Variants in LMO7 observed in about 807,000 individuals in gnomAD.
LMO7 encodes the protein LIM domain 7, also known as LIM domain only protein 7.
In LMO7, 120 loss-of-function variants were observed where a neutral mutation model predicts 206.5. That is an observed-to-expected ratio of 0.58 (90% confidence interval 0.50 to 0.68). The LOEUF is 0.68. Among genes scored for constraint, LMO7 ranks in the 30% least tolerant of loss-of-function variants. LMO7 has a pLI of 0.00. For synonymous variants in LMO7, 706 were observed against 681.5 expected (o/e 1.04, Z -0.56); for missense variants, 1,959 against 1,957.9 (o/e 1.00, Z -0.01).
chr13:75,804,312 G>C lies in LMO7; in HGVS notation c.685G>C (p.Glu229Gln). 6.2e-7 allele frequency: 1 copy of C among 1,613,240 alleles called. No homozygotes were observed. Among genetic ancestry groups the C allele is most frequent in the Non-Finnish European group, 8.5e-7 (1 of 1,179,262 alleles). The change falls in exon 8 of 31, where the codon GAA becomes CAA. Residue 229 changes from glutamate (E) to glutamine (Q), a missense_variant. Coordinates refer to ENST00000377534, the MANE Select transcript of LMO7 (RefSeq NM_001306080.2). ...REGFESDTDS[E>Q]FTFKMQDYNK... ...AGGTTTTGAAAGTGACACAGATTCGGAATTTACATTTAAGATGCAGGATTA... is the reference window on the plus strand; with the variant it reads ...AGGTTTTGAAAGTGACACAGATTCGCAATTTACATTTAAGATGCAGGATTA...
chr13:75,726,937 A>G (rs1441828610), intron 2 of LMO7, 92 bp from the exon 3 acceptor site: 4 of 728,284 alleles, frequency 5.5e-6, no homozygotes, highest in Admixed American at 4.0e-5. Flanking sequence ...CATTGAGGGG[A>G]GGGAATAGTG....
intron 4 of LMO7, among the ~76,000 whole-genome samples, chr13:75,777,645 TTG>T (rs1173237516): frequency 1.1e-5 from 1 of 92,710 alleles, no homozygotes; most frequent in Admixed American, 1.2e-4. Context: ...TTTTCTTTTC[TTG>T]TTTTTTTTTT....
chr13:75,804,545 C>G lies in LMO7; in HGVS notation c.914+4C>G. On this transcript the variant is annotated splice_donor_region_variant and intron_variant, in intron 8 of 30. Coordinates refer to ENST00000377534, the MANE Select transcript of LMO7 (RefSeq NM_001306080.2). ...AAGCAGATGGAACATTTTCAAGGTA[C>G]TGAGATGGGTGTGATTATTGAGTTT... 1.9e-6 allele frequency: 3 copies of G among 1,611,498 alleles called. No homozygotes were observed. Among genetic ancestry groups the G allele is most frequent in the South Asian group, 2.2e-5 (2 of 90,632 alleles).
At chr13:75,806,262 G>C (rs1467956801) in intron 9 of LMO7, 5 of 989,060 alleles carry the variant, frequency 5.1e-6, no homozygotes, top group Non-Finnish European at 6.0e-6. Flanking sequence ...ATGAGCCCAG[G>C]TGCCCCTGTC....
chr13:75,855,151 A>G (rs1018117613), intron 28 of LMO7, 109 bp from the exon 29 acceptor site: 1 of 663,804 alleles, frequency 1.5e-6, no homozygotes, highest in Non-Finnish European at 2.7e-6. Flanking sequence ...ATATATGTAT[A>G]GAGCTTTTCT....
intron 1 of LMO7, among the ~76,000 whole-genome samples, chr13:75,662,973 A>G (rs779110733): frequency 5.3e-5 from 8 of 152,204 alleles, no homozygotes; most frequent in Non-Finnish European, 1.0e-4. Context: ...GTCATTTTAC[A>G]TATGAGGAAA....
intron 4 of LMO7, among the ~76,000 whole-genome samples, chr13:75,774,743 T>C (rs986662642): frequency 6.6e-6 from 1 of 152,154 alleles, no homozygotes; most frequent in Non-Finnish European, 1.5e-5. Flanking sequence ...AACTTCCTTA[T>C]ATATTGTGGT....
chr13:75,655,562 A>G (rs9544014), intron 1 of LMO7, among the ~76,000 whole-genome samples: 136,522 of 150,224 alleles, frequency 0.91, 62,135 homozygotes, highest in East Asian at 1. Context: ...TCTGTAGTTG[A>G]TATTTCTTTG....
At chr13:75,642,609 GTAAA>G (rs558800592) in intron 1 of LMO7, among the ~76,000 whole-genome samples, 5 of 151,742 alleles carry the variant, frequency 3.3e-5, no homozygotes, top group African/African-American at 7.3e-5. Flanking sequence ...TCTTTAAAAA[GTAAA>G]TAAATAAATA....
At chr13:75,784,932 A>T (rs1233906360) in intron 4 of LMO7, among the ~76,000 whole-genome samples, 2 of 152,182 alleles carry the variant, frequency 1.3e-5, no homozygotes, top group Non-Finnish European at 1.5e-5. Context: ...AATACTGTTG[A>T]TCTCTCAGTA....
At chr13:75,699,761 G>A (rs1475678137) in intron 1 of LMO7, among the ~76,000 whole-genome samples, 1 of 152,232 alleles carries the variant, frequency 6.6e-6, no homozygotes, top group African/African-American at 2.4e-5. Context: ...GTCCCACTGT[G>A]CACCCATTGT....
chr13:75,709,601 G>C (rs1363411123), intron 1 of LMO7, among the ~76,000 whole-genome samples: 1 of 152,176 alleles, frequency 6.6e-6, no homozygotes, highest in Non-Finnish European at 1.5e-5. Flanking sequence ...GTCTTCTTTT[G>C]AGAAGTGTCT....
At chr13:75,785,873 G>A (rs1269316025) in intron 4 of LMO7, among the ~76,000 whole-genome samples, 1 of 152,188 alleles carries the variant, frequency 6.6e-6, no homozygotes, top group South Asian at 2.1e-4. Flanking sequence ...TTGAGCATGG[G>A]ATCAAGTCTG....
chr13:75,834,626 T>G (rs2138978920), intron 17 of LMO7, among the ~76,000 whole-genome samples: 1 of 152,328 alleles, frequency 6.6e-6, no homozygotes, highest in East Asian at 1.9e-4. Flanking sequence ...TGTACTGGTT[T>G]GACTGAATGC....
chr13:75,716,893 T>TC (rs1174733779), intron 2 of LMO7, among the ~76,000 whole-genome samples: 3 of 47,742 alleles, frequency 6.3e-5, no homozygotes, highest in Non-Finnish European at 7.9e-5. Flanking sequence ...ATGAAAACAC[T>TC]CTTTTTTTTT....
chr13:75,783,156 C>T lies in LMO7; in HGVS notation c.318-12245C>T, dbSNP rs192683877. On this transcript the variant is annotated intron_variant, in intron 4 of 30. Transcript: ENST00000377534. ...ATATTTTATGCACAGATGTATTTTA[C>T]AGCATATACATAACCATTTTGGAAT... Among the ~76,000 whole-genome samples the T allele has an allele frequency of 3.9e-3, 601 of 152,272 alleles. 6 individuals are homozygous for T. Among genetic ancestry groups the T allele is most frequent in the African/African-American group, 0.014 (573 of 41,544 alleles).
rs1338593255 is a variant in LMO7 at position 75,652,209 on chromosome 13, T to C, written c.69+15483T>C. Among the ~76,000 whole-genome samples, 3 of 152,158 alleles carry C rather than the reference T, an allele frequency of 2.0e-5. No homozygotes were observed. The East Asian group carries it at 5.8e-4, about 29-fold the overall frequency. On this transcript the variant is annotated intron_variant, in intron 1 of 30. Coordinates refer to ENST00000377534, the MANE Select transcript of LMO7 (RefSeq NM_001306080.2). The stretch of plus-strand genomic sequence containing the variant: ...AATTTTCCCTTTTGGCTTCGGTCTC[T>C]TTTAAGTTGGAAACTTCTTTTAAAC...
chr13:75,688,328 A>G (rs552560432), intron 1 of LMO7, among the ~76,000 whole-genome samples: 1 of 152,288 alleles, frequency 6.6e-6, no homozygotes, highest in East Asian at 1.9e-4. Flanking sequence ...CATTTCCCCC[A>G]TATGTATGCT....
At chr13:75,648,558 T>G (rs954928684) in intron 1 of LMO7, among the ~76,000 whole-genome samples, 16 of 152,252 alleles carry the variant, frequency 1.1e-4, no homozygotes, top group Non-Finnish European at 1.8e-4. Flanking sequence ...TCCATATATC[T>G]GCCTCCGTCT....
Sources: gnomAD v4.1 joint callset for allele counts (sites outside exome capture counted in the v4.1 genomes callset) on GRCh38, gnomAD v4.1.1 for gene constraint, MANE v1.5 for transcripts, NCBI Gene and HGNC (gene_info 2026-07-23, HGNC 2026-07-21) for gene names.